Variants in NNT observed in about 807,000 individuals in gnomAD.
NNT encodes the protein nicotinamide nucleotide transhydrogenase, also known as NAD(P) transhydrogenase, mitochondrial.
NNT carries 50 observed loss-of-function variants against 104.8 expected under a neutral mutation model. The ratio of observed to expected loss-of-function variants is 0.48; its 90% CI spans 0.38 to 0.60. The LOEUF is 0.60. Among genes scored for constraint, NNT ranks in the 20% least tolerant of loss-of-function variants. The pLI, the probability that NNT is intolerant of heterozygous loss-of-function variation, is 0.00. For missense variants in NNT, 1,131 were observed against 1,330.7 expected (o/e 0.85, Z 2.33); for synonymous variants, 461 against 490.4 (o/e 0.94, Z 0.79).
chr5:43,674,406 A>G (rs1049698181), intron 17 of NNT, among the ~76,000 whole-genome samples: 1 of 152,196 alleles, frequency 6.6e-6, no homozygotes, highest in Non-Finnish European at 1.5e-5. Context: ...TCGATGTGGT[A>G]CTTATCATTG....
intron 17 of NNT, among the ~76,000 whole-genome samples, chr5:43,663,900 T>C (rs78505132): frequency 0.059 from 8,993 of 152,276 alleles, 509 homozygotes; most frequent in African/African-American, 0.14. Flanking sequence ...ATTTGTTAAC[T>C]TATTTCATGT....
intron 19 of NNT, among the ~76,000 whole-genome samples, chr5:43,690,485 A>C (rs899498755): frequency 2.6e-5 from 4 of 152,198 alleles, no homozygotes; most frequent in Non-Finnish European, 5.9e-5. Context: ...GGTGATCTGG[A>C]TTGAGAAATT....
At chr5:43,606,014 T>G (rs1437054788) in intron 1 of NNT, among the ~76,000 whole-genome samples, 1 of 152,270 alleles carries the variant, frequency 6.6e-6, no homozygotes, top group Non-Finnish European at 1.5e-5. Context: ...AAGTCTCATC[T>G]AATCATAAAA....
intron 7 of NNT, among the ~76,000 whole-genome samples, chr5:43,641,963 AG>A (rs1751262626): frequency 1.3e-5 from 2 of 152,198 alleles, no homozygotes; most frequent in African/African-American, 2.4e-5. Context: ...TGATGTTTCT[AG>A]GGAGCCTAAA....
intron 9 of NNT, among the ~76,000 whole-genome samples, chr5:43,645,107 G>A (rs1259949467): frequency 1.3e-5 from 2 of 151,962 alleles, no homozygotes; most frequent in East Asian, 3.9e-4. Flanking sequence ...GGTTTAATTT[G>A]CACTCTTGCT....
chr5:43,643,123 C>G lies in NNT; in HGVS notation c.965-1069C>G, dbSNP rs115760645. ...TTATTTTTGTAGAGATGGGGTCTTG[C>G]TATGTGCTGGTTTGGAACTCCTGGG... is the stretch of plus-strand genomic sequence containing the variant. On this transcript the variant is annotated intron_variant, in intron 7 of 21. Coordinates refer to ENST00000344920, the MANE Select transcript of NNT (RefSeq NM_182977.3). 9.4e-3 allele frequency among the ~76,000 whole-genome samples: 1,428 copies of G among 152,010 alleles called. 19 individuals are homozygous for G. The highest frequency in any genetic ancestry group is 0.033 in the African/African-American group (1,374 of 41,458).
intron 1 of NNT, among the ~76,000 whole-genome samples, chr5:43,604,957 C>A (rs1186716271): frequency 6.6e-6 from 1 of 152,078 alleles, no homozygotes; most frequent in Non-Finnish European, 1.5e-5. Flanking sequence ...TAGGCGTGAG[C>A]CACCACCCTG....
chr5:43,649,078 T>C, intron 10 of NNT, 69 bp from the exon 11 acceptor site: 1 of 1,506,520 alleles, frequency 6.6e-7, no homozygotes, highest in Non-Finnish European at 9.1e-7. Context: ...CATATTTATG[T>C]ATGTGCTTTT....
Position 43,700,163 on chromosome 5 carries a change from A to C in NNT, c.2921A>C (p.Asn974Thr). 6.2e-7 allele frequency: 1 copy of C among 1,613,702 alleles called. No homozygotes were observed. Among genetic ancestry groups the C allele is most frequent in the East Asian group, 2.2e-5 (1 of 44,842 alleles). ...GCAGGCCGAATGCCTGGTCAGCTTA[A>C]TGTGCTGCTGGCTGAGGCTGGTGTG... ...PVAGRMPGQL[N>T]VLLAEAGVPY... The change falls in exon 20 of 22, where the codon AAT becomes ACT. Residue 974 changes from asparagine to threonine, a missense_variant. Transcript: ENST00000344920.
chr5:43,675,634 A>G lies in NNT; in HGVS notation c.2758A>G (p.Met920Val). The G allele has an allele frequency of 1.9e-6, 3 of 1,610,522 alleles. No individual in the cohort carries two copies. The highest frequency in any genetic ancestry group is 1.7e-6 in the Non-Finnish European group (2 of 1,178,668). The change falls in exon 18 of 22, where the codon ATG becomes GTG. Residue 920 changes from methionine (M) to valine (V), a missense_variant. Physicochemically the swap from Met to Val is conservative, Grantham distance 21. Transcript: ENST00000344920. The part of the protein sequence containing the change: ...TEINLDNAID[M>V]IREANSIIIT... ...AATCAACCTTGACAATGCAATTGACATGATTCGAGAAGCTAATAGCATTAT... is the reference window on the plus strand; with the variant it reads ...AATCAACCTTGACAATGCAATTGACGTGATTCGAGAAGCTAATAGCATTAT...
At chr5:43,682,084 T>C (rs1741748069) in intron 19 of NNT, among the ~76,000 whole-genome samples, 1 of 152,226 alleles carries the variant, frequency 6.6e-6, no homozygotes, top group African/African-American at 2.4e-5. Flanking sequence ...AGTCTAATAA[T>C]GTTTTACAGT....
At chr5:43,687,562 A>G (rs908554934) in intron 19 of NNT, among the ~76,000 whole-genome samples, 6 of 152,184 alleles carry the variant, frequency 3.9e-5, no homozygotes, top group Admixed American at 6.6e-5. Flanking sequence ...GTGCATATAT[A>G]TCTCTACACA....
rs376583752 is a variant in NNT, at chr5:43,615,916, G to A, written c.450G>A (p.Thr150=). The change falls in exon 4 of 22, where the codon ACG becomes ACA. Residue 150 remains threonine (T), a synonymous_variant. Transcript: ENST00000344920. ...CTGACCTTTTAAAGACATCAGGAAC[G>A]CTGATTAGTTTTATTTACCCAGCCC... ...HEADLLKTSG[T]LISFIYPAQN... is the part of the protein sequence containing the mutation. The A allele has an allele frequency of 2.8e-5, 45 of 1,614,096 alleles. No individual in the cohort carries two copies. Among genetic ancestry groups the A allele is most frequent in the Middle Eastern group, 3.3e-4 (2 of 6,062 alleles).
intron 4 of NNT, among the ~76,000 whole-genome samples, chr5:43,617,721 A>G (rs1238548406): frequency 6.6e-6 from 1 of 152,116 alleles, no homozygotes; most frequent in Non-Finnish European, 1.5e-5. Context: ...TTTATTTTTC[A>G]GAATAGCAAC....
In NNT at chr5:43,659,309, A is replaced by G. The variant is rs1363359179; in HGVS notation, c.2593A>G (p.Ile865Val). Residue 865 changes from isoleucine to valine, a missense_variant, in exon 17 of 22, where the codon ATA becomes GTA. Coordinates refer to ENST00000344920, the MANE Select transcript of NNT (RefSeq NM_182977.3). ...NNLLTIVGAL[I>V]GSSGAILSYI... ...TCTGCTGACCATCGTGGGTGCACTC[A>G]TAGGCTCGTCTGGTGCTATCCTGTC... 1.2e-6 allele frequency: 2 copies of G among 1,613,924 alleles called. No individual in the cohort carries two copies. Among genetic ancestry groups the G allele is most frequent in the Non-Finnish European group, 1.7e-6 (2 of 1,179,968 alleles).
chr5:43,703,076 A>C (rs1175639361), intron 21 of NNT, among the ~76,000 whole-genome samples: 1 of 152,220 alleles, frequency 6.6e-6, no homozygotes, highest in Admixed American at 6.5e-5. Flanking sequence ...CCCTCTGGGA[A>C]GTATCAATCG....
At chr5:43,666,764 T>C in intron 17 of NNT, 2 of 1,275,968 alleles carry the variant, frequency 1.6e-6, no homozygotes, top group Admixed American at 2.1e-5. Context: ...GGCAGAGATA[T>C]CTACTCTGAA....
rs1368808890 is a variant in NNT at position 43,628,379 on chromosome 5, T to A, written c.956T>A (p.Leu319His). ...GTAGACATCCTTATCAGCACAGCAC[T>A]TATTCCAGGTATGCCATTAAGTAAA... ...KEVDILISTA[L>H]IPGKKAPVLF... The change falls in exon 7 of 22, where the codon CTT (leucine) becomes CAT (histidine). Residue 319 changes from leucine (L) to histidine (H), a missense_variant. Coordinates refer to ENST00000344920, the MANE Select transcript of NNT (RefSeq NM_182977.3). The A allele has an allele frequency of 6.3e-7, 1 of 1,592,128 alleles. No individual in the cohort carries two copies. The highest frequency in any genetic ancestry group is 1.1e-5 in the South Asian group (1 of 87,458).
chr5:43,630,616 A>G (rs1486459954), intron 7 of NNT, among the ~76,000 whole-genome samples: 1 of 152,198 alleles, frequency 6.6e-6, no homozygotes, highest in African/African-American at 2.4e-5. Flanking sequence ...CTCCTTCTAA[A>G]GAGTATTTTG....
Sources: gnomAD v4.1 joint callset for allele counts (sites outside exome capture counted in the v4.1 genomes callset) on GRCh38, gnomAD v4.1.1 for gene constraint, MANE v1.5 for transcripts, NCBI Gene and HGNC (gene_info 2026-07-23, HGNC 2026-07-21) for gene names.